ERI2: variants seen among roughly 807,000 people sequenced by gnomAD.
The protein encoded by ERI2 is ERI1 exoribonuclease 2.
A neutral mutation model predicts 46.8 loss-of-function variants in ERI2; 35 were observed. That is an observed-to-expected ratio of 0.75 (90% confidence interval 0.57 to 0.99). ERI2 has a LOEUF of 0.99. Ranked by LOEUF, ERI2 falls within the 50% of genes least tolerant of loss-of-function variation. The pLI is 0.00. For missense variants in ERI2, 695 were observed against 796.2 expected (o/e 0.87, Z 1.53); for synonymous variants, 224 against 271.0 (o/e 0.83, Z 1.70).
intron 9 of ERI2, among the ~76,000 whole-genome samples, chr16:20,789,813 A>G (rs966608345): frequency 6.7e-6 from 1 of 149,206 alleles, no homozygotes; most frequent in African/African-American, 2.5e-5. Flanking sequence ...GGCTGGGATT[A>G]CAGGTGCCCA....
chr16:20,797,059 A>C lies in ERI2; in HGVS notation c.*665T>G. The C allele has an allele frequency of 6.6e-7, 1 of 1,522,274 alleles. No individual in the cohort carries two copies. 94.3% of individuals were successfully genotyped at this position (1,522,274 alleles called of 1,614,324 possible). The stretch of plus-strand genomic sequence containing the variant: ...CACAAGATGATGGAGAGGTCATAAA[A>C]ACTGTGGTAGTATGCTTAGAAACTG... On this transcript the variant is annotated 3_prime_UTR_variant, in exon 9 of 9. Transcript: ENST00000357967.
rs1022305974 is a variant in ERI2 at position 20,790,478 on chromosome 16, A to T, written c.815+372T>A. ...TCTCACACACACAAAATTTTTTTTAAGTCTTCATTTTTAAATGGCAAAAGC... is the reference window on the plus strand; with the variant it reads ...TCTCACACACACAAAATTTTTTTTATGTCTTCATTTTTAAATGGCAAAAGC... On this transcript the variant is annotated intron_variant, in intron 9 of 10. Coordinates refer to the ERI2 transcript ENST00000300005. This position sits in a 1 kb window ranked among gnomAD's most constrained non-coding sequence, Gnocchi z 4.0. The T allele has an allele frequency of 3.6e-6, 4 of 1,106,620 alleles. No homozygotes were observed. The Admixed American group carries it at 9.9e-5, about 27-fold the overall frequency. The allele number at this position is 1,106,620 out of a possible 1,614,324, so 68.6% of individuals were successfully genotyped here.
chr16:20,799,133 A>C, intron 8 of ERI2, 66 bp from the exon 9 acceptor site: 12 of 1,486,714 alleles, frequency 8.1e-6, no homozygotes, highest in Non-Finnish European at 1.1e-5. Flanking sequence ...TTCAGTATAC[A>C]GTTTTATGAC....
At position 20,796,370 on chromosome 16, in the gene ERI2, G is replaced by A; in HGVS notation, c.*1354C>T. ...CTGGTGTTTCAAATATTTATTTTAG[G>A]TAGTAAAGGCTTTTGTCGTTCTAAA... On this transcript the variant is annotated 3_prime_UTR_variant, in exon 9 of 9. Coordinates refer to ENST00000357967, the MANE Select transcript of ERI2 (RefSeq NM_001142725.2). The A allele has an allele frequency of 6.2e-7, 1 of 1,607,634 alleles. No homozygotes were observed. The highest frequency in any genetic ancestry group is 8.5e-7 in the Non-Finnish European group (1 of 1,178,516).
At chr16:20,789,527 C>G (rs1416979984) in exon 10 of ERI2, 1 of 1,613,710 alleles carries the variant, frequency 6.2e-7, no homozygotes, top group South Asian at 1.1e-5. Context: ...TCATATTGGG[C>G]TTCTGAAGTA....
At chr16:20,801,032 T>C (rs1417089496) in intron 5 of ERI2, 171 bp downstream of exon 5, 4 of 475,162 alleles carry the variant, frequency 8.4e-6, no homozygotes, top group Non-Finnish European at 1.4e-5. Context: ...TTAAAAAATA[T>C]GTATTAATTT....
At chr16:20,795,286 T>C (rs1365376839), downstream of ERI2, among the ~76,000 whole-genome samples, 1 of 152,186 alleles carries the variant, frequency 6.6e-6, no homozygotes, top group Non-Finnish European at 1.5e-5. Context: ...CTCCCAAATG[T>C]TGGCAGTACA....
chr16:20,793,788 G>C (rs755059829), downstream of ERI2, among the ~76,000 whole-genome samples: 1 of 152,204 alleles, frequency 6.6e-6, no homozygotes, highest in Non-Finnish European at 1.5e-5. Context: ...AAGGTTTCAC[G>C]AGTCTTAGCT....
chr16:20,803,928 C>T (rs938243636), intron 1 of ERI2, among the ~76,000 whole-genome samples: 3 of 152,144 alleles, frequency 2.0e-5, no homozygotes, highest in Non-Finnish European at 4.4e-5. Context: ...TCACCACTCA[C>T]TACAGCCTTA....
rs2080817137 is a variant in ERI2 at position 20,803,481 on chromosome 16, C to CA, written c.126dup (p.Glu43Ter). 1.2e-6 allele frequency: 2 copies of CA among 1,613,954 alleles called. No homozygotes were observed. Among genetic ancestry groups the CA allele is most frequent in the East Asian group, 2.2e-5 (1 of 44,880 alleles). On this transcript the variant is annotated frameshift_variant, in exon 3 of 9. Transcript: ENST00000357967. LOFTEE classifies it high-confidence loss of function. ...TTCCCATCATTCCAGCATGTCGATTCAAAATCAATGACAATTAAGTAGTCA... is the reference window on the plus strand; with the variant it reads ...TTCCCATCATTCCAGCATGTCGATTCAAAAATCAATGACAATTAAGTAGTCA...
At chr16:20,796,251 T>C, downstream of ERI2, 2 of 1,464,770 alleles carry the variant, frequency 1.4e-6, no homozygotes, top group Non-Finnish European at 1.8e-6. Flanking sequence ...GATCAAACTT[T>C]ATTAAAACAC....
Position 20,789,686 on chromosome 16 carries a change from T to A in ERI2, c.816-129A>T, listed in dbSNP as rs940850801. ...TATTATAAAGCAACTCTATTTTTCT[T>A]TTTTTTTTTTTTTTTTTGAGATGGA... On this transcript the variant is annotated intron_variant, in intron 9 of 10. Transcript: ENST00000300005. 9.4e-5 allele frequency: 25 copies of A among 265,302 alleles called. No individual in the cohort carries two copies. In the South Asian group the frequency reaches 2.0e-3, roughly 21 times the overall value. The allele number at this position is 265,302 out of a possible 1,614,324, so 16.4% of individuals were successfully genotyped here. A position where few individuals can be genotyped will look rare whatever the true frequency, so the allele number is the denominator to read the frequency against.
intron 5 of ERI2, 183 bp from the exon 6 acceptor site, chr16:20,800,585 G>T (rs1332317156): frequency 1.8e-5 from 7 of 393,800 alleles, no homozygotes; most frequent in Non-Finnish European, 3.2e-5. Flanking sequence ...TTAGGTTGAT[G>T]ACTAAATTTC....
chr16:20,804,366 A>T (rs2080827526), intron 1 of ERI2, among the ~76,000 whole-genome samples: 1 of 152,190 alleles, frequency 6.6e-6, no homozygotes, highest in South Asian at 2.1e-4. Flanking sequence ...AAATCTGGGT[A>T]AAGAAACAAA....
rs1184515828 is a variant in ERI2 at position 20,803,754 on chromosome 16, G to GCAACAAT, written c.24-91_24-85dup. 4 of 1,467,780 alleles carry GCAACAAT rather than the reference G, an allele frequency of 2.7e-6. No homozygotes were observed. In the African/African-American group the frequency reaches 5.6e-5, roughly 20 times the overall value. 90.9% of individuals were successfully genotyped at this position (1,467,780 alleles called of 1,614,324 possible). ...TAGGCTACCAAACTAATGGTACTGGGCAACAATCTCATTATTTATTGTGAC... is the reference window on the plus strand; with the variant it reads ...TAGGCTACCAAACTAATGGTACTGGGCAACAATCAACAATCTCATTATTTATTGTGAC... On this transcript the variant is annotated intron_variant, in intron 1 of 8. Transcript: ENST00000357967.
In ERI2 at chr16:20,797,925, C is replaced by T; in HGVS notation, c.1875G>A (p.Gly625=). 1 of 1,551,752 alleles carries T rather than the reference C, an allele frequency of 6.4e-7. No homozygotes were observed. The highest frequency in any genetic ancestry group is 8.7e-7 in the Non-Finnish European group (1 of 1,146,940). ...HGKVFYCCPI[G]KYQENRKCCG... ...AACATTTTCTGTTTTCTTGGTATTT[C>T]CCGATAGGGCAACAATAGAAGACTT... is the stretch of plus-strand genomic sequence containing the variant. The change falls in exon 9 of 9, where the codon GGG becomes GGA. Residue 625 remains glycine (G), a synonymous_variant. Coordinates refer to ENST00000357967, the MANE Select transcript of ERI2 (RefSeq NM_001142725.2).
chr16:20,792,087 T>C (rs1382295009), downstream of ERI2: 1 of 1,613,992 alleles, frequency 6.2e-7, no homozygotes, highest in Admixed American at 1.7e-5. Flanking sequence ...GATGGGTATT[T>C]CTGGTTTGTT....
chr16:20,792,140 T>A (rs1271446032), downstream of ERI2: 1 of 1,614,174 alleles, frequency 6.2e-7, no homozygotes, highest in Non-Finnish European at 8.5e-7. Flanking sequence ...GTAACTTTCT[T>A]TTCCATATGT....
In ERI2 at chr16:20,799,133, A is replaced by G. The variant is rs1213409908; in HGVS notation, c.733-66T>C. 3 of 1,486,596 alleles carry G rather than the reference A, an allele frequency of 2.0e-6. No homozygotes were observed. In the African/African-American group the frequency reaches 4.3e-5, roughly 21 times the overall value. The allele number at this position is 1,486,596 out of a possible 1,614,324, so 92.1% of individuals were successfully genotyped here. A position where few individuals can be genotyped will look rare whatever the true frequency, so the allele number is the denominator to read the frequency against. On this transcript the variant is annotated intron_variant, in intron 8 of 8. Transcript: ENST00000357967. ...GCATTCGTTAATTTCTTCAGTATAC[A>G]GTTTTATGACAAAAAAGAGAAATGT... is the stretch of plus-strand genomic sequence containing the variant.
Sources: allele counts gnomAD v4.1 joint callset (sites outside exome capture counted in the v4.1 genomes callset), GRCh38; gene constraint gnomAD v4.1.1; non-coding constraint Gnocchi (gnomAD v3.1); transcripts MANE v1.5; gene names NCBI Gene and HGNC (gene_info 2026-07-23, HGNC 2026-07-21).